Variants in REDIC1 observed in about 807,000 individuals in gnomAD.
The protein encoded by REDIC1 is HEI10 Interacting Protein 1.
the REDIC1 span, among the ~76,000 whole-genome samples, chr12:39,762,122 T>G: frequency 6.6e-6 from 1 of 152,086 alleles, no homozygotes; most frequent in Admixed American, 6.6e-5. Context: ...CAAAACTGCC[T>G]ACTCAGTGTG....
chr12:39,696,076 G>A, the REDIC1 span, among the ~76,000 whole-genome samples: 1 of 152,082 alleles, frequency 6.6e-6, no homozygotes, highest in Non-Finnish European at 1.5e-5. Flanking sequence ...ATACAGCTTA[G>A]GTCTCAACAC....
the REDIC1 span, among the ~76,000 whole-genome samples, chr12:39,724,050 C>T: frequency 3.3e-5 from 5 of 152,008 alleles, no homozygotes; most frequent in East Asian, 3.9e-4. Context: ...ACTCATTTCC[C>T]GAGGGGTGTC....
chr12:39,711,767 G>T, the REDIC1 span, among the ~76,000 whole-genome samples: 1 of 135,000 alleles, frequency 7.4e-6, no homozygotes, highest in Admixed American at 7.1e-5. Context: ...GTGTATGTGT[G>T]TGTGCACATG....
At chr12:39,828,060 A>G in the REDIC1 span, among the ~76,000 whole-genome samples, 1 of 152,086 alleles carries the variant, frequency 6.6e-6, no homozygotes, top group Non-Finnish European at 1.5e-5. Context: ...CAAACCACCA[A>G]TCAACCAACA....
At chr12:39,792,779 T>C in the REDIC1 span, among the ~76,000 whole-genome samples, 43 of 144,428 alleles carry the variant, frequency 3.0e-4, no homozygotes, top group African/African-American at 8.5e-4. Flanking sequence ...AACCCACTGA[T>C]ATGGAGGGCT....
the REDIC1 span, among the ~76,000 whole-genome samples, chr12:39,788,225 T>C: frequency 2.4e-4 from 37 of 152,266 alleles, no homozygotes; most frequent in Admixed American, 9.2e-4. Context: ...TATGAATATG[T>C]TTATAAGTTA....
the REDIC1 span, among the ~76,000 whole-genome samples, chr12:39,716,048 C>T: frequency 6.6e-6 from 1 of 151,874 alleles, no homozygotes; most frequent in African/African-American, 2.4e-5. Flanking sequence ...AGCATCAGTC[C>T]TGGCCTGAGG....
the REDIC1 span, among the ~76,000 whole-genome samples, chr12:39,782,834 GT>G: frequency 2.6e-5 from 4 of 152,106 alleles, no homozygotes; most frequent in Non-Finnish European, 4.4e-5. Context: ...TGAGGAACTT[GT>G]TGAAAAACGG....
chr12:39,654,712 C>A, the REDIC1 span, among the ~76,000 whole-genome samples: 1 of 151,520 alleles, frequency 6.6e-6, no homozygotes, highest in Admixed American at 6.6e-5. Flanking sequence ...TTTTTTATTT[C>A]TTCGTGATTG....
chr12:39,712,877 GTATATACATA>G, the REDIC1 span, among the ~76,000 whole-genome samples: 1 of 71,950 alleles, frequency 1.4e-5, no homozygotes, highest in African/African-American at 4.2e-5. Context: ...GTATATACAC[GTATATACATA>G]TATGCATATA....
the REDIC1 span, among the ~76,000 whole-genome samples, chr12:39,711,823 G>A: frequency 3.9e-5 from 2 of 50,686 alleles, no homozygotes; most frequent in Non-Finnish European, 1.1e-4. Flanking sequence ...GTGTACACAT[G>A]CATGTGTATA....
chr12:39,766,409 A>G, the REDIC1 span, among the ~76,000 whole-genome samples: 1 of 152,112 alleles, frequency 6.6e-6, no homozygotes, highest in Non-Finnish European at 1.5e-5. Flanking sequence ...AAATATTTTG[A>G]TAAAAAATGC....
At chr12:39,818,880 C>G in the REDIC1 span, among the ~76,000 whole-genome samples, 2 of 151,968 alleles carry the variant, frequency 1.3e-5, no homozygotes, top group Non-Finnish European at 2.9e-5. Context: ...TGATCTGGCC[C>G]TTTCCTTCCC....
chr12:39,697,662 T>A, the REDIC1 span, among the ~76,000 whole-genome samples: 1 of 152,226 alleles, frequency 6.6e-6, no homozygotes, highest in Non-Finnish European at 1.5e-5. Context: ...CTCATTTTTT[T>A]ATGCAAACAA....
At chr12:39,890,276 GT>G in the REDIC1 span, among the ~76,000 whole-genome samples, 1 of 152,102 alleles carries the variant, frequency 6.6e-6, no homozygotes, top group Non-Finnish European at 1.5e-5. Flanking sequence ...GTAAAAGGAA[GT>G]TCATTAGAGC....
At chr12:39,720,115 G>A in the REDIC1 span, among the ~76,000 whole-genome samples, 1 of 151,812 alleles carries the variant, frequency 6.6e-6, no homozygotes, top group Admixed American at 6.6e-5. Context: ...TTAGAAAATT[G>A]AAATCTAGAC....
At chr12:39,832,375 A>G in the REDIC1 span, among the ~76,000 whole-genome samples, 1 of 152,164 alleles carries the variant, frequency 6.6e-6, no homozygotes, top group East Asian at 1.9e-4. Flanking sequence ...TTGCAGAGAA[A>G]TTATTCTCAA....
chr12:39,798,131 A>G, the REDIC1 span, among the ~76,000 whole-genome samples: 1 of 152,210 alleles, frequency 6.6e-6, no homozygotes, highest in Non-Finnish European at 1.5e-5. Flanking sequence ...TGCCCAATGG[A>G]AAACTCCACA....
chr12:39,815,526 T>C, the REDIC1 span, among the ~76,000 whole-genome samples: 1 of 152,222 alleles, frequency 6.6e-6, no homozygotes, highest in Non-Finnish European at 1.5e-5. Context: ...GATTTCTATG[T>C]GTCCAGGCAT....
Sources: allele counts gnomAD v4.1 joint callset (sites outside exome capture counted in the v4.1 genomes callset), GRCh38; gene constraint gnomAD v4.1.1; transcripts MANE v1.5; gene names NCBI Gene and HGNC (gene_info 2026-07-23, HGNC 2026-07-21).